The following CHAT variants were observed in gnomAD, a reference collection of about 807,000 sequenced individuals.
CHAT encodes acetyl CoA:choline O-acetyltransferase.
Under a neutral mutation model 76.9 loss-of-function variants are expected in CHAT, and 61 were observed. The observed-to-expected ratio is 0.79, with a 90% CI of 0.65 to 0.98. The LOEUF is 0.98. Ranked by LOEUF, CHAT falls within the 50% of genes least tolerant of loss-of-function variation. The pLI is 0.00. For missense variants in CHAT, 946 were observed against 986.9 expected (o/e 0.96, Z 0.56); for synonymous variants, 407 against 397.4 (o/e 1.02, Z -0.29).
At position 49,646,642 on chromosome 10, in the gene CHAT, G is replaced by A. The variant is rs1306112783; in HGVS notation, c.1249G>A (p.Gly417Arg). ...LLHGGGYSKNGANRWYDKSLQ... is the reference protein window; with the variant it reads ...LLHGGGYSKNRANRWYDKSLQ... ...TCACGGCGGAGGCTACAGCAAGAAC[G>A]GGGCCAATCGCTGGTACGACAAGTC... The change falls in exon 8 of 15, where the codon GGG (glycine) becomes AGG (arginine). Residue 417 changes from glycine (G) to arginine (R), a missense_variant. Around this residue, in one of 3 missense-constraint regions of CHAT, gnomAD observed 49 missense variants for 76.7 expected, o/e 0.64. Coordinates refer to ENST00000337653, the MANE Select transcript of CHAT (RefSeq NM_020549.5). The A allele has an allele frequency of 5.0e-6, 8 of 1,613,964 alleles. No individual in the cohort carries two copies. Among genetic ancestry groups the A allele is most frequent in the African/African-American group, 1.3e-5 (1 of 74,944 alleles).
At chr10:49,638,733 C>T (rs1839376355) in intron 7 of CHAT, among the ~76,000 whole-genome samples, 2 of 152,118 alleles carry the variant, frequency 1.3e-5, no homozygotes, top group South Asian at 2.1e-4. Context: ...GTTTATAATA[C>T]ACTTGTCTTA....
chr10:49,638,000 TTC>T (rs1839352195), intron 7 of CHAT, among the ~76,000 whole-genome samples: 1 of 152,250 alleles, frequency 6.6e-6, no homozygotes, highest in South Asian at 2.1e-4. Context: ...CTTGCTGAAT[TTC>T]TGTCTAGTCG....
At chr10:49,619,976 G>A in intron 3 of CHAT, 60 bp downstream of exon 3, 1 of 1,540,708 alleles carries the variant, frequency 6.5e-7, no homozygotes, top group Non-Finnish European at 8.8e-7. Flanking sequence ...TGGAGACAGA[G>A]GGATCTCGGT....
rs968331105 is a variant in CHAT, at chr10:49,614,346, G to A, written c.157G>A (p.Gly53Arg). 93 of 1,546,434 alleles carry A rather than the reference G, an allele frequency of 6.0e-5. No individual in the cohort carries two copies. Among genetic ancestry groups the A allele is most frequent in the Middle Eastern group, 4.6e-4 (2 of 4,388 alleles). Reference protein sequence around the residue: ...GDPGDVGGPAGNPGCSPHPRA... With the variant: ...GDPGDVGGPARNPGCSPHPRA... ...CCCGGGCGACGTCGGAGGCCCTGCC[G>A]GGAACCCAGGCTGCAGCCCCCACCC... Residue 53 changes from glycine to arginine, a missense_variant, in exon 1 of 15, where the codon GGG (glycine) becomes AGG (arginine). Physicochemically the swap from Gly to Arg is moderately radical, Grantham distance 125. This residue lies in a region of CHAT where 548 missense variants were observed against 516.2 expected (regional missense o/e 1.06). Coordinates refer to ENST00000337653, the MANE Select transcript of CHAT (RefSeq NM_020549.5).
At chr10:49,654,780 A>T (rs554497050) in intron 11 of CHAT, among the ~76,000 whole-genome samples, 102 of 151,922 alleles carry the variant, frequency 6.7e-4, no homozygotes, top group Non-Finnish European at 1.4e-3. Context: ...TTCATCAAAC[A>T]CTCAGGTCTC....
intron 7 of CHAT, among the ~76,000 whole-genome samples, chr10:49,639,263 C>CA (rs1019132662): frequency 2.6e-5 from 4 of 151,828 alleles, no homozygotes; most frequent in Non-Finnish European, 4.4e-5. Flanking sequence ...AACAAACAAA[C>CA]AAAAAAACAC....
chr10:49,625,645 T>G lies in CHAT; in HGVS notation c.925T>G (p.Cys309Gly). The change falls in exon 6 of 15, where the codon TGC (cysteine) becomes GGC (glycine). Residue 309 changes from cysteine (C) to glycine (G), a missense_variant. Transcript: ENST00000337653. ...GCCTGAGCACGTCATCGTAGCCTGC[T>G]GCAATCAGGTAAGCAACCCCTTGTC... ...PEPEHVIVAC[C>G]NQFFVLDVVI... 1 of 1,568,492 alleles carries G rather than the reference T, an allele frequency of 6.4e-7. No homozygotes were observed. The highest frequency in any genetic ancestry group is 8.7e-7 in the Non-Finnish European group (1 of 1,155,594).
At chr10:49,612,191 T>C (rs142761243), upstream of CHAT, 33 of 1,609,504 alleles carry the variant, frequency 2.1e-5, no homozygotes, top group African/African-American at 3.1e-4. Context: ...GAGCGCGATG[T>C]GCTGCTTGAT....
chr10:49,614,640 C>T (rs1838415994), intron 1 of CHAT, among the ~76,000 whole-genome samples, 165 bp downstream of exon 1: 1 of 152,226 alleles, frequency 6.6e-6, no homozygotes, highest in Non-Finnish European at 1.5e-5. Flanking sequence ...TAGGAAGCTG[C>T]AGGATTGCGT....
upstream of CHAT, chr10:49,612,684 C>A: frequency 3.4e-6 from 1 of 291,054 alleles, no homozygotes; most frequent in Non-Finnish European, 6.7e-6. Context: ...CACCGCGGCG[C>A]CTCCGCCCAA....
chr10:49,623,279 G>A (rs1010241779), intron 5 of CHAT, among the ~76,000 whole-genome samples: 4 of 147,598 alleles, frequency 2.7e-5, no homozygotes, highest in East Asian at 1.9e-4. Context: ...CTGCCCCCAC[G>A]AGACCACTTT....
At chr10:49,646,227 C>G (rs1839656482) in intron 7 of CHAT, among the ~76,000 whole-genome samples, 1 of 152,212 alleles carries the variant, frequency 6.6e-6, no homozygotes, top group Non-Finnish European at 1.5e-5. Context: ...CAATAGCCCA[C>G]ACATCTGGAG....
chr10:49,616,689 C>T, intron 2 of CHAT, 87 bp downstream of exon 2: 3 of 956,958 alleles, frequency 3.1e-6, no homozygotes, highest in South Asian at 2.8e-5. Flanking sequence ...GGGACTGGCC[C>T]CCAGCATTTG....
At chr10:49,658,640 C>A (rs148360810) in intron 13 of CHAT, among the ~76,000 whole-genome samples, 1 of 152,132 alleles carries the variant, frequency 6.6e-6, no homozygotes, top group Non-Finnish European at 1.5e-5. Flanking sequence ...ACCCGGGAGT[C>A]GGAAGTTGCG....
chr10:49,662,912 A>G (rs1340081509), intron 14 of CHAT, 130 bp downstream of exon 14: 1 of 1,163,034 alleles, frequency 8.6e-7, no homozygotes, highest in Non-Finnish European at 1.3e-6. Flanking sequence ...TGTGATCTTC[A>G]GCAAAATGAT....
chr10:49,643,527 GTGCAGGGCGAGCACTATGGCCATC>G (rs1438108802), intron 7 of CHAT, among the ~76,000 whole-genome samples: 2 of 152,190 alleles, frequency 1.3e-5, no homozygotes, highest in Non-Finnish European at 2.9e-5. Context: ...ACAGCACATA[GTGCAGGGCGAGCACTATGGCCATC>G]TGCAGGGATG....
At chr10:49,625,916 G>A (rs1380867317) in intron 6 of CHAT, among the ~76,000 whole-genome samples, 1 of 152,158 alleles carries the variant, frequency 6.6e-6, no homozygotes, top group Admixed American at 6.5e-5. Flanking sequence ...GGTCATGATC[G>A]AGACCTCCAC....
intron 8 of CHAT, chr10:49,646,963 T>A: frequency 1.4e-5 from 7 of 490,218 alleles, no homozygotes; most frequent in Middle Eastern, 5.7e-4. Flanking sequence ...CAGGAAGGTC[T>A]GGGCCAGACC....
At chr10:49,623,884 C>T (rs957840890) in intron 5 of CHAT, among the ~76,000 whole-genome samples, 1 of 152,222 alleles carries the variant, frequency 6.6e-6, no homozygotes, top group Non-Finnish European at 1.5e-5. Context: ...TCCTTCCCTG[C>T]TGCCCTCACA....
Sources: allele counts gnomAD v4.1 joint callset (sites outside exome capture counted in the v4.1 genomes callset), GRCh38; gene constraint gnomAD v4.1.1; regional missense constraint gnomAD v4.1.1; transcripts MANE v1.5; gene names NCBI Gene and HGNC (gene_info 2026-07-23, HGNC 2026-07-21).